RAI14: variants seen among roughly 807,000 people sequenced by gnomAD.
RAI14 encodes retinoic acid induced 14, also known as ankycorbin.
Under a neutral mutation model 115.4 loss-of-function variants are expected in RAI14, and 45 were observed. The ratio of observed to expected loss-of-function variants is 0.39; its 90% CI spans 0.31 to 0.50. The LOEUF (loss-of-function observed/expected upper bound fraction) is 0.50. RAI14 is among the 20% of genes least tolerant of loss of function. RAI14 has a pLI of 0.85. For missense variants in RAI14, 939 were observed against 1,131.2 expected (o/e 0.83, Z 2.44); for synonymous variants, 371 against 415.4 (o/e 0.89, Z 1.30).
At chr5:34,732,056 T>C (rs1744252853) in intron 2 of RAI14, among the ~76,000 whole-genome samples, 2 of 152,152 alleles carry the variant, frequency 1.3e-5, no homozygotes. Flanking sequence ...GCCCTGGAAA[T>C]GGGAGTGGCC....
At chr5:34,677,765 T>G (rs569998103) in intron 1 of RAI14, among the ~76,000 whole-genome samples, 1 of 152,260 alleles carries the variant, frequency 6.6e-6, no homozygotes, top group African/African-American at 2.4e-5. Flanking sequence ...ATTCTTAGAT[T>G]TTTAAAAAAA....
intron 2 of RAI14, among the ~76,000 whole-genome samples, chr5:34,739,967 C>G (rs1351787990): frequency 6.6e-6 from 1 of 152,098 alleles, no homozygotes; most frequent in Non-Finnish European, 1.5e-5. Flanking sequence ...AGGCAGGAGG[C>G]AGGAGAATCC....
At chr5:34,710,470 A>G (rs561004419) in intron 2 of RAI14, among the ~76,000 whole-genome samples, 1 of 152,274 alleles carries the variant, frequency 6.6e-6, no homozygotes, top group African/African-American at 2.4e-5. Context: ...TCAGTATGTG[A>G]AAGAACTTGC....
intron 1 of RAI14, among the ~76,000 whole-genome samples, chr5:34,669,968 T>C (rs981263299): frequency 6.6e-6 from 1 of 152,240 alleles, no homozygotes; most frequent in Non-Finnish European, 1.5e-5. Context: ...AGAGGATTTG[T>C]TGACTCCGTG....
At chr5:34,743,000 G>T (rs562458281) in intron 2 of RAI14, among the ~76,000 whole-genome samples, 8 of 152,282 alleles carry the variant, frequency 5.3e-5, no homozygotes, top group Middle Eastern at 6.8e-3. Context: ...ACCACCCGGT[G>T]ATTTTGAACA....
At chr5:34,728,460 C>CA (rs1473246416) in intron 2 of RAI14, 1 of 152,110 alleles carries the variant, frequency 6.6e-6, no homozygotes, top group Non-Finnish European at 1.5e-5. Flanking sequence ...GGGAGGGACC[C>CA]AGTGGGAGGT....
intron 3 of RAI14, among the ~76,000 whole-genome samples, chr5:34,781,589 T>C (rs1751652033): frequency 6.6e-6 from 1 of 152,220 alleles, no homozygotes; most frequent in Non-Finnish European, 1.5e-5. Context: ...TTGCAGAAGA[T>C]AATAAGGCTT....
At chr5:34,786,319 A>G (rs1752291461) in intron 3 of RAI14, among the ~76,000 whole-genome samples, 1 of 152,206 alleles carries the variant, frequency 6.6e-6, no homozygotes, top group South Asian at 2.1e-4. Flanking sequence ...GCAGTCGCTC[A>G]AGGTGCTGCT....
rs146155170 is a variant in RAI14, at chr5:34,736,450, A to G, written c.37-21018A>G. On this transcript the variant is annotated intron_variant, in intron 2 of 17. Coordinates refer to ENST00000265109, the MANE Select transcript of RAI14 (RefSeq NM_015577.3). ...GTTTTTTGTTTTTTTTTTAATTCCA[A>G]ACTGCCCTAAATTTCCATAGTTATG... 3.2e-3 allele frequency among the ~76,000 whole-genome samples: 488 copies of G among 152,218 alleles called. 3 individuals carry two copies. Among genetic ancestry groups the G allele is most frequent in the African/African-American group, 0.011 (466 of 41,550 alleles).
intron 2 of RAI14, among the ~76,000 whole-genome samples, chr5:34,751,398 C>G (rs1041245690): frequency 3.3e-5 from 5 of 152,150 alleles, no homozygotes; most frequent in Admixed American, 1.3e-4. Flanking sequence ...CCACCTCGGC[C>G]TCCCAAAGTG....
intron 1 of RAI14, among the ~76,000 whole-genome samples, chr5:34,678,098 T>G (rs1225780046): frequency 1.6e-5 from 2 of 127,542 alleles, no homozygotes; most frequent in Non-Finnish European, 3.6e-5. Context: ...AATTTTGTTT[T>G]GTTTTGTTTT....
chr5:34,739,629 A>C (rs1378358601), intron 2 of RAI14, among the ~76,000 whole-genome samples: 1 of 152,204 alleles, frequency 6.6e-6, no homozygotes, highest in East Asian at 1.9e-4. Flanking sequence ...TCAGTGTTTT[A>C]GTAGCAATAT....
intron 3 of RAI14, among the ~76,000 whole-genome samples, chr5:34,764,722 T>G (rs1371506333): frequency 6.6e-6 from 1 of 152,158 alleles, no homozygotes; most frequent in Non-Finnish European, 1.5e-5. Flanking sequence ...CAGTGTTGTA[T>G]GTTAAAGCTG....
intron 2 of RAI14, among the ~76,000 whole-genome samples, chr5:34,712,967 A>G (rs202197184): frequency 3.5e-4 from 53 of 152,292 alleles, no homozygotes; most frequent in Non-Finnish European, 6.6e-4. Flanking sequence ...GTAAGAATAC[A>G]TATTTAGTAC....
At chr5:34,792,045 A>ACTAT (rs956966358) in intron 3 of RAI14, among the ~76,000 whole-genome samples, 2 of 152,120 alleles carry the variant, frequency 1.3e-5, no homozygotes, top group African/African-American at 4.8e-5. Context: ...AGCGCTAGTG[A>ACTAT]CTATCTCCTC....
intron 2 of RAI14, among the ~76,000 whole-genome samples, chr5:34,742,581 T>C (rs2150050320): frequency 6.6e-6 from 1 of 152,310 alleles, no homozygotes; most frequent in Admixed American, 6.5e-5. Context: ...GAGAGGTAGA[T>C]TTAAAAACAT....
Position 34,747,739 on chromosome 5 carries a change from A to G in RAI14, c.37-9729A>G, listed in dbSNP as rs138553794. On this transcript the variant is annotated intron_variant, in intron 2 of 17. Coordinates refer to ENST00000265109, the MANE Select transcript of RAI14 (RefSeq NM_015577.3). ...TAATTTAAAATTCTTAAAGAGGTTA[A>G]TTAATAGTAGCTCCCAAGGTAGAAA... Among the ~76,000 whole-genome samples the G allele has an allele frequency of 3.6e-3, 553 of 152,312 alleles. 6 individuals are homozygous for G. Among genetic ancestry groups the G allele is most frequent in the African/African-American group, 0.012 (514 of 41,566 alleles).
In RAI14 at chr5:34,693,252, A is replaced by G. The variant is rs80206924; in HGVS notation, c.36+6297A>G. ...AGGACACAAGTCAACCCTTAACACA[A>G]CTCCATGCCCTTCCATCCTAGAACA... On this transcript the variant is annotated intron_variant, in intron 2 of 17. Transcript: ENST00000265109. 6.7e-3 allele frequency among the ~76,000 whole-genome samples: 1,013 copies of G among 152,160 alleles called. 11 individuals carry two copies. Among genetic ancestry groups the G allele is most frequent in the African/African-American group, 0.022 (917 of 41,512 alleles).
intron 2 of RAI14, among the ~76,000 whole-genome samples, chr5:34,742,944 G>A (rs1265726133): frequency 6.6e-6 from 1 of 152,212 alleles, no homozygotes; most frequent in Non-Finnish European, 1.5e-5. Context: ...TTACAGGCAT[G>A]AGCCACTGTG....
Sources: allele counts gnomAD v4.1 joint callset (sites outside exome capture counted in the v4.1 genomes callset), GRCh38; gene constraint gnomAD v4.1.1; transcripts MANE v1.5; gene names NCBI Gene and HGNC (gene_info 2026-07-23, HGNC 2026-07-21).